GGNBP2: variants seen among roughly 807,000 people sequenced by gnomAD.
GGNBP2 encodes gametogenetin-binding protein 2.
Under a neutral mutation model 85.9 loss-of-function variants are expected in GGNBP2, and 10 were observed. That is an observed-to-expected ratio of 0.12 (90% confidence interval 0.07 to 0.20). GGNBP2 has a LOEUF of 0.20. GGNBP2 is among the 10% of genes least tolerant of loss of function. The pLI is 1.00. For synonymous variants in GGNBP2, 287 were observed against 285.7 expected (o/e 1.00, Z -0.05); for missense variants, 595 against 857.8 (o/e 0.69, Z 3.83).
intron 6 of GGNBP2, chr17:36,575,427 G>A: frequency 5.6e-6 from 1 of 179,836 alleles, no homozygotes; most frequent in Non-Finnish European, 1.2e-5. Context: ...GTCATGAAGA[G>A]TTTCCCCTAT....
intron 13 of GGNBP2, 187 bp downstream of exon 13, chr17:36,587,432 G>A: frequency 1.5e-6 from 1 of 650,366 alleles, no homozygotes; most frequent in Admixed American, 2.6e-5. Flanking sequence ...AACTACTCTG[G>A]AACACGTTTC....
intron 6 of GGNBP2, 164 bp from the exon 7 acceptor site, chr17:36,577,819 C>T: frequency 3.1e-6 from 2 of 641,354 alleles, no homozygotes; most frequent in Non-Finnish European, 5.5e-6. Context: ...TATGCAATCC[C>T]TAAATTTGTA....
Position 36,587,130 on chromosome 17 carries a change from G to A in GGNBP2, c.1775G>A (p.Gly592Glu). The change falls in exon 13 of 14, where the codon GGG (glycine) becomes GAG (glutamate). Residue 592 changes from glycine (G) to glutamate (E), a missense_variant. By Grantham distance (98) the Gly-to-Glu change is moderately conservative (BLOSUM62 -2). Around this residue, in one of 9 missense-constraint regions of GGNBP2, gnomAD observed 120 missense variants for 126.3 expected, o/e 0.95. Transcript: ENST00000613102. ...PESCCSSEKGGQPLPWFEHRK... is the reference protein window; with the variant it reads ...PESCCSSEKGEQPLPWFEHRK... Reference sequence around the variant, plus strand: ...AGCTGTTGCAGCTCTGAAAAGGGTGGGCAGCCATTGCCTTGGTTTGAGCAT... The same window carrying A: ...AGCTGTTGCAGCTCTGAAAAGGGTGAGCAGCCATTGCCTTGGTTTGAGCAT... 6.2e-7 allele frequency: 1 copy of A among 1,614,008 alleles called. No homozygotes were observed. Among genetic ancestry groups the A allele is most frequent in the Non-Finnish European group, 8.5e-7 (1 of 1,180,016 alleles).
At chr17:36,558,489 A>G (rs982535326) in intron 4 of GGNBP2, among the ~76,000 whole-genome samples, 10 of 142,922 alleles carry the variant, frequency 7.0e-5, no homozygotes, top group African/African-American at 2.3e-4. Flanking sequence ...GAGTTTCACT[A>G]TTGTTGCCCA....
chr17:36,578,323 T>C, intron 7 of GGNBP2, 137 bp downstream of exon 7: 2 of 667,930 alleles, frequency 3.0e-6, no homozygotes, highest in Non-Finnish European at 4.9e-6. Flanking sequence ...AAGATTTTGC[T>C]TCTCTTTAAA....
In GGNBP2 at chr17:36,584,518, A is replaced by G. The variant is rs191558081; in HGVS notation, c.1216-782A>G. On this transcript the variant is annotated intron_variant, in intron 9 of 13. Coordinates refer to ENST00000613102, the MANE Select transcript of GGNBP2 (RefSeq NM_024835.5). ...TTGCCCGGCTAATTTTTGTATTTTT[A>G]GTAGAGACGGGGTCTCACCATCTTG... Among the ~76,000 whole-genome samples the G allele has an allele frequency of 2.6e-5, 4 of 152,250 alleles. No individual in the cohort carries two copies. In the East Asian group the frequency reaches 7.7e-4, roughly 29 times the overall value.
chr17:36,554,715 A>T (rs1353243754), intron 2 of GGNBP2, 105 bp from the exon 3 acceptor site: 1 of 781,412 alleles, frequency 1.3e-6, no homozygotes, highest in Admixed American at 1.9e-5. Flanking sequence ...GGGGCTAGGG[A>T]TGGGTGCAAA....
chr17:36,561,326 A>G (rs182100278), intron 5 of GGNBP2, among the ~76,000 whole-genome samples: 41 of 151,892 alleles, frequency 2.7e-4, no homozygotes, highest in African/African-American at 9.2e-4. Context: ...GTTTCACCCT[A>G]TTGGCCAGGC....
At chr17:36,583,897 C>T (rs1309078441) in intron 9 of GGNBP2, among the ~76,000 whole-genome samples, 1 of 152,186 alleles carries the variant, frequency 6.6e-6, no homozygotes, top group African/African-American at 2.4e-5. Flanking sequence ...TTTTTGTACT[C>T]TGTTAAATTA....
chr17:36,559,361 C>T (rs2074395239), intron 4 of GGNBP2, among the ~76,000 whole-genome samples: 1 of 145,780 alleles, frequency 6.9e-6, no homozygotes, highest in Admixed American at 6.8e-5. Context: ...AGGGACGAGA[C>T]TGAGGAGAAA....
chr17:36,576,623 G>GTATATA (rs2074591182), intron 6 of GGNBP2: 1 of 123,730 alleles, frequency 8.1e-6, no homozygotes, highest in Non-Finnish European at 1.6e-5. Flanking sequence ...GTGTGTGTGT[G>GTATATA]TGTGTGTATA....
intron 5 of GGNBP2, among the ~76,000 whole-genome samples, chr17:36,563,589 GTTT>G (rs199777252): frequency 2.3e-5 from 3 of 129,652 alleles, no homozygotes; most frequent in African/African-American, 2.8e-5. Flanking sequence ...CCTGTTTCTG[GTTT>G]TTTTTTTTTT....
Position 36,587,067 on chromosome 17 carries a change from T to C in GGNBP2, c.1712T>C (p.Val571Ala). The C allele has an allele frequency of 6.2e-7, 1 of 1,614,016 alleles. No individual in the cohort carries two copies. Among genetic ancestry groups the C allele is most frequent in the Non-Finnish European group, 8.5e-7 (1 of 1,179,968 alleles). ...ACCTCAGGAAATACCATGCACACAG[T>C]GTTTCACCGTGACAAGACCAAAGAT... ...RETSGNTMHTVFHRDKTKDTH... is the reference protein window; with the variant it reads ...RETSGNTMHTAFHRDKTKDTH... The change falls in exon 13 of 14, where the codon GTG (valine) becomes GCG (alanine). Residue 571 changes from valine to alanine, a missense_variant. This residue lies in a region of GGNBP2 where 120 missense variants were observed against 126.3 expected (regional missense o/e 0.95). Transcript: ENST00000613102.
Position 36,551,882 on chromosome 17 carries a change from T to C in GGNBP2, c.94-2938T>C, listed in dbSNP as rs145120503. Among the ~76,000 whole-genome samples the C allele has an allele frequency of 1.2e-3, 186 of 152,268 alleles. 1 individual carries two copies. Among genetic ancestry groups the C allele is most frequent in the African/African-American group, 4.4e-3 (181 of 41,554 alleles). On this transcript the variant is annotated intron_variant, in intron 2 of 13. Transcript: ENST00000613102. ...CAGGTCTCAGTATTATTAGATGTGT[T>C]CTTTGATCTCCGTTTCAATTTTTAA...
intron 5 of GGNBP2, among the ~76,000 whole-genome samples, chr17:36,561,905 G>T (rs1242129253): frequency 2.0e-5 from 3 of 152,212 alleles, no homozygotes; most frequent in African/African-American, 4.8e-5. Flanking sequence ...TTACAGGCGT[G>T]AGCCACCGCG....
chr17:36,587,331 A>G, intron 13 of GGNBP2, 86 bp downstream of exon 13: 1 of 1,322,852 alleles, frequency 7.6e-7, no homozygotes. Context: ...GGCTTAAGGT[A>G]GGTAGTTGAA....
rs1370963143 is a variant in GGNBP2, at chr17:36,545,604, G to A, written c.-106-15G>A. ...AGCGGCGGGTGCTTACGCTCGCGGG[G>A]TTTGGCTGTTGCAGGCAGGAGCTGG... On this transcript the variant is annotated splice_polypyrimidine_tract_variant and intron_variant, in intron 1 of 13. Transcript: ENST00000613102. 2 of 731,166 alleles carry A rather than the reference G, an allele frequency of 2.7e-6. No homozygotes were observed. Among genetic ancestry groups the A allele is most frequent in the East Asian group, 2.7e-5 (1 of 36,772 alleles). 45.3% of individuals were successfully genotyped at this position (731,166 alleles called of 1,614,324 possible). A position where few individuals can be genotyped will look rare whatever the true frequency, so the allele number is the denominator to read the frequency against.
intron 3 of GGNBP2, among the ~76,000 whole-genome samples, chr17:36,555,177 G>T (rs535199154): frequency 2.0e-5 from 3 of 152,200 alleles, no homozygotes; most frequent in Non-Finnish European, 4.4e-5. Flanking sequence ...AAAAGATAAG[G>T]TATATAATTT....
At chr17:36,579,154 C>T (rs2074619903) in intron 7 of GGNBP2, 91 bp from the exon 8 acceptor site, 2 of 1,043,226 alleles carry the variant, frequency 1.9e-6, no homozygotes, top group African/African-American at 3.2e-5. Flanking sequence ...TAGGTAAGCA[C>T]ATTGTGTTTA....
Sources: allele counts gnomAD v4.1 joint callset (sites outside exome capture counted in the v4.1 genomes callset), GRCh38; gene constraint gnomAD v4.1.1; regional missense constraint gnomAD v4.1.1; transcripts MANE v1.5; gene names NCBI Gene and HGNC (gene_info 2026-07-23, HGNC 2026-07-21).